IL7R: variants seen among roughly 807,000 people sequenced by gnomAD.
IL7R encodes interleukin-7 receptor subunit alpha.
A neutral mutation model predicts 47.0 loss-of-function variants in IL7R; 38 were observed. The observed-to-expected ratio is 0.81, with a 90% CI of 0.62 to 1.06. The LOEUF is 1.06. Ranked by LOEUF, IL7R falls within the 50% of genes least tolerant of loss-of-function variation. The pLI, the probability that IL7R is intolerant of heterozygous loss-of-function variation, is 0.00. For synonymous variants in IL7R, 221 were observed against 199.8 expected (o/e 1.11, Z -0.89); for missense variants, 633 against 534.8 (o/e 1.18, Z -1.81).
Position 35,876,595 on chromosome 5 carries a change from A to G in IL7R, c.*109A>G. 1 of 1,122,198 alleles carries G rather than the reference A, an allele frequency of 8.9e-7. No homozygotes were observed. The highest frequency in any genetic ancestry group is 1.9e-5 in the Admixed American group (1 of 53,664). The allele number at this position is 1,122,198 out of a possible 1,614,324, so 69.5% of individuals were successfully genotyped here. Reference sequence around the variant, plus strand: ...GCACAGAGAAGACAAAATTAGCAAAACCCCACTACACAGTCTGCAAGATTC... The same window carrying G: ...GCACAGAGAAGACAAAATTAGCAAAGCCCCACTACACAGTCTGCAAGATTC... On this transcript the variant is annotated 3_prime_UTR_variant, in exon 8 of 8. Transcript: ENST00000303115.
At chr5:35,867,788 T>G (rs1213587787) in intron 3 of IL7R, among the ~76,000 whole-genome samples, 3 of 152,180 alleles carry the variant, frequency 2.0e-5, no homozygotes, top group African/African-American at 7.2e-5. Flanking sequence ...CTTCCTTACC[T>G]GTCCTTCTCC....
Position 35,877,839 on chromosome 5 carries a change from T to C in IL7R, c.*1353T>C, listed in dbSNP as rs1760255127. On this transcript the variant is annotated 3_prime_UTR_variant, in exon 8 of 8. Transcript: ENST00000303115. ...TCAAAGTCAAGGCAACTGAGTAATG[T>C]CAGCTCAGCAAAGTGCAGCAAACCC... 4.3e-6 allele frequency: 1 copy of C among 233,286 alleles called. No individual in the cohort carries two copies. The highest frequency in any genetic ancestry group is 1.3e-3 in the Middle Eastern group (1 of 786). 14.5% of individuals were successfully genotyped at this position (233,286 alleles called of 1,614,324 possible).
intron 2 of IL7R, 54 bp downstream of exon 2, chr5:35,861,044 T>C: frequency 1.3e-6 from 2 of 1,560,698 alleles, no homozygotes; most frequent in Middle Eastern, 1.7e-4. Context: ...TCTCTTTTCA[T>C]ATGCTCTTTT....
chr5:35,865,599 C>A (rs1464907600), intron 2 of IL7R, among the ~76,000 whole-genome samples: 1 of 152,152 alleles, frequency 6.6e-6, no homozygotes, highest in Non-Finnish European at 1.5e-5. Flanking sequence ...GTTCCTATTT[C>A]TCCACATTCC....
rs748801798 is a variant in IL7R at position 35,874,488 on chromosome 5, GT to G, written c.752del (p.Phe251SerfsTer44). The G allele has an allele frequency of 3.1e-6, 5 of 1,613,518 alleles. No homozygotes were observed. Among genetic ancestry groups the G allele is most frequent in the African/African-American group, 1.3e-5 (1 of 74,880 alleles). ...ATCTTACTAACCATCAGCATTTTGA[GT>G]TTTTTCTCTGTCGCTCTGTTGGTCA... ...DPILLTISILSFFSVALLVIL... is the reference protein window; with the variant it reads ...DPILLTISILXFFSVALLVIL... On this transcript the variant is annotated frameshift_variant, in exon 6 of 8. Coordinates refer to ENST00000303115, the MANE Select transcript of IL7R (RefSeq NM_002185.5). LOFTEE classifies it high-confidence loss of function.
At chr5:35,870,542 A>G (rs930988985) in intron 3 of IL7R, among the ~76,000 whole-genome samples, 1 of 152,240 alleles carries the variant, frequency 6.6e-6, no homozygotes, top group African/African-American at 2.4e-5. Flanking sequence ...AAGTTCTCCA[A>G]TATTCAAAAG....
intron 3 of IL7R, 33 bp from the exon 4 acceptor site, chr5:35,871,023 T>C (rs1234792573): frequency 6.3e-7 from 1 of 1,599,326 alleles, no homozygotes; most frequent in Non-Finnish European, 8.6e-7. Context: ...TTGGCTGCCC[T>C]TTAGACAGAA....
At chr5:35,864,997 C>T (rs1759902224) in intron 2 of IL7R, among the ~76,000 whole-genome samples, 1 of 152,032 alleles carries the variant, frequency 6.6e-6, no homozygotes, top group African/African-American at 2.4e-5. Flanking sequence ...TTCTAGGGTA[C>T]ATGTGCACAA....
chr5:35,876,133 G>C lies in IL7R; in HGVS notation c.1027G>C (p.Asp343His), dbSNP rs866784625. The change falls in exon 8 of 8, where the codon GAT becomes CAT. Residue 343 changes from aspartate (D) to histidine (H), a missense_variant. Physicochemically the swap from Asp to His is moderately conservative, Grantham distance 81. Transcript: ENST00000303115. ...ATCTGAGAAGCAGAGGCTTGGAGGG[G>C]ATGTGCAGAGCCCCAACTGCCCATC... Reference protein sequence around the residue: ...EESEKQRLGGDVQSPNCPSED... With the variant: ...EESEKQRLGGHVQSPNCPSED... 1 of 1,614,158 alleles carries C rather than the reference G, an allele frequency of 6.2e-7. No individual in the cohort carries two copies. Among genetic ancestry groups the C allele is most frequent in the Non-Finnish European group, 8.5e-7 (1 of 1,180,026 alleles).
chr5:35,867,045 C>T (rs1475033621), intron 2 of IL7R, among the ~76,000 whole-genome samples: 5 of 151,908 alleles, frequency 3.3e-5, no homozygotes, highest in Non-Finnish European at 7.4e-5. Context: ...AGAAATTTCC[C>T]ATAATTTTAT....
chr5:35,870,265 T>C (rs919618480), intron 3 of IL7R, among the ~76,000 whole-genome samples: 2 of 152,178 alleles, frequency 1.3e-5, no homozygotes, highest in Admixed American at 6.5e-5. Context: ...CAGCTTAGCA[T>C]GTGTGGAGCA....
intron 7 of IL7R, 129 bp from the exon 8 acceptor site, chr5:35,875,854 T>C (rs1760192414): frequency 5.7e-6 from 6 of 1,043,492 alleles, no homozygotes; most frequent in African/African-American, 1.6e-5. Flanking sequence ...AAAGAGTCCA[T>C]TGAGGAACAT....
chr5:35,876,109 T>C lies in IL7R; in HGVS notation c.1003T>C (p.Ser335Pro), dbSNP rs199735993. The change falls in exon 8 of 8, where the codon TCT (serine) becomes CCT (proline). Residue 335 changes from serine (S) to proline (P), a missense_variant. Ser to Pro is a moderately conservative substitution (Grantham distance 74). Coordinates refer to ENST00000303115, the MANE Select transcript of IL7R (RefSeq NM_002185.5). ...TACGTTTCCTCAGCAACTAGAAGAA[T>C]CTGAGAAGCAGAGGCTTGGAGGGGA... ...QDTFPQQLEE[S>P]EKQRLGGDVQ... is the part of the protein sequence containing the mutation. The C allele has an allele frequency of 3.5e-4, 561 of 1,614,056 alleles. 1 individual carries two copies. Among genetic ancestry groups the C allele is most frequent in the Non-Finnish European group, 4.5e-4 (529 of 1,180,038 alleles).
rs1163020312 is a variant in IL7R at position 35,879,271 on chromosome 5, A to C, written c.*2785A>C. On this transcript the variant is annotated 3_prime_UTR_variant, in exon 8 of 8. Transcript: ENST00000303115. ...TTCCTTCAATGTGGTTTCCATGGGAATTTGCTTCAGAAAAGCCAAGTATGG... is the reference window on the plus strand; with the variant it reads ...TTCCTTCAATGTGGTTTCCATGGGACTTTGCTTCAGAAAAGCCAAGTATGG... 4.3e-6 allele frequency: 1 copy of C among 232,618 alleles called. No individual in the cohort carries two copies. The highest frequency in any genetic ancestry group is 8.5e-6 in the Non-Finnish European group (1 of 117,714). 14.4% of individuals were successfully genotyped at this position (232,618 alleles called of 1,614,324 possible).
chr5:35,873,350 A>G, intron 4 of IL7R, 130 bp from the exon 5 acceptor site: 4 of 805,542 alleles, frequency 5.0e-6, no homozygotes. Flanking sequence ...AGAGCTCCTT[A>G]TTCTAACAAA....
chr5:35,871,177 A>T lies in IL7R; in HGVS notation c.501A>T (p.Val167=), dbSNP rs199697302. The T allele has an allele frequency of 6.2e-7, 1 of 1,613,134 alleles. No homozygotes were observed. The change falls in exon 4 of 8, where the codon GTA becomes GTT. Residue 167 remains valine, a synonymous_variant. Coordinates refer to ENST00000303115, the MANE Select transcript of IL7R (RefSeq NM_002185.5). ...KKYVKVLMHD[V]AYRQEKDENK... Reference sequence around the variant, plus strand: ...ATGTAAAAGTTTTAATGCACGATGTAGCTTACCGCCAGGAAAAGGATGAAA... The same window carrying T: ...ATGTAAAAGTTTTAATGCACGATGTTGCTTACCGCCAGGAAAAGGATGAAA...
At chr5:35,874,630 A>C in intron 6 of IL7R, 88 bp downstream of exon 6, 1 of 998,182 alleles carries the variant, frequency 1.0e-6, no homozygotes. Flanking sequence ...AGAAAACCAC[A>C]AAGGGGATTA....
chr5:35,873,115 A>T, intron 4 of IL7R: 1 of 266,502 alleles, frequency 3.8e-6, no homozygotes, highest in Non-Finnish European at 7.4e-6. Context: ...TTCTGGAGAG[A>T]AATGATTCCT....
chr5:35,858,028 T>C (rs1759702273), intron 1 of IL7R, among the ~76,000 whole-genome samples: 2 of 152,188 alleles, frequency 1.3e-5, no homozygotes, highest in African/African-American at 4.8e-5. Context: ...TTTTTTACAG[T>C]ATATGACTCA....
Sources: gnomAD v4.1 joint callset for allele counts (sites outside exome capture counted in the v4.1 genomes callset) on GRCh38, gnomAD v4.1.1 for gene constraint, MANE v1.5 for transcripts, NCBI Gene and HGNC (gene_info 2026-07-23, HGNC 2026-07-21) for gene names.